The following KLHL2 variants were observed in gnomAD, a reference collection of about 807,000 sequenced individuals.
The protein encoded by KLHL2 is kelch-like protein 2.
Under a neutral mutation model 75.8 loss-of-function variants are expected in KLHL2, and 15 were observed. The observed-to-expected ratio is 0.20, with a 90% CI of 0.13 to 0.30. The LOEUF (loss-of-function observed/expected upper bound fraction) is 0.30, where lower values mean the gene tolerates loss of function less well. Among genes scored for constraint, KLHL2 ranks in the 10% least tolerant of loss-of-function variants. KLHL2 has a pLI of 1.00. For missense variants in KLHL2, 381 were observed against 741.0 expected, an observed-to-expected ratio of 0.51 and a Z score of 5.64; for synonymous variants, 214 against 251.9, an observed-to-expected ratio of 0.85 and a Z score of 1.42.
intron 5 of KLHL2, chr4:165,277,708 C>G: frequency 1.8e-6 from 1 of 549,126 alleles, no homozygotes. Context: ...GGGGGTCAGC[C>G]CCAAAGGTAG....
At chr4:165,318,106 AC>A (rs1746714967) in intron 14 of KLHL2, 137 bp downstream of exon 14, 2 of 750,308 alleles carry the variant, frequency 2.7e-6, no homozygotes. Flanking sequence ...AAGATGATTA[AC>A]ATTGGCTGTG....
chr4:165,321,585 A>G (rs932641742), intron 14 of KLHL2, among the ~76,000 whole-genome samples: 18 of 152,132 alleles, frequency 1.2e-4, no homozygotes, highest in Admixed American at 9.8e-4. Context: ...AAAATTATAC[A>G]TGGGTTTTTG....
intron 5 of KLHL2, among the ~76,000 whole-genome samples, chr4:165,266,942 C>T (rs1432815642): frequency 1.3e-5 from 2 of 152,030 alleles, no homozygotes; most frequent in Non-Finnish European, 2.9e-5. Flanking sequence ...TTGATTCTTC[C>T]TATCCATGAG....
chr4:165,294,999 C>T (rs148273459), intron 6 of KLHL2, among the ~76,000 whole-genome samples: 5 of 152,224 alleles, frequency 3.3e-5, no homozygotes, highest in African/African-American at 1.2e-4. Flanking sequence ...CCTGCCAGTC[C>T]GTTCAGCCTG....
chr4:165,267,385 G>A (rs1307810277), intron 5 of KLHL2, among the ~76,000 whole-genome samples: 1 of 152,130 alleles, frequency 6.6e-6, no homozygotes, highest in Non-Finnish European at 1.5e-5. Flanking sequence ...TCCTTGTCCT[G>A]TGCTGGTTTT....
chr4:165,299,747 T>G, intron 8 of KLHL2, 91 bp downstream of exon 8: 1 of 1,197,392 alleles, frequency 8.4e-7, no homozygotes, highest in Non-Finnish European at 1.2e-6. Flanking sequence ...TTTCCGTGAT[T>G]TATTGTTTTA....
chr4:165,307,009 T>C (rs1745781357), intron 9 of KLHL2, among the ~76,000 whole-genome samples: 1 of 152,174 alleles, frequency 6.6e-6, no homozygotes. Context: ...CAAACATATT[T>C]TTTAAAAACT....
chr4:165,270,709 G>T (rs767746086), intron 5 of KLHL2, among the ~76,000 whole-genome samples: 3 of 152,156 alleles, frequency 2.0e-5, no homozygotes, highest in South Asian at 2.1e-4. Context: ...TCCCAGAGGG[G>T]CACCCACCTG....
intron 2 of KLHL2, among the ~76,000 whole-genome samples, chr4:165,225,199 A>G (rs1324330429): frequency 6.6e-6 from 1 of 152,114 alleles, no homozygotes; most frequent in East Asian, 1.9e-4. Context: ...TTTTCCCTTT[A>G]GATTTGAGCT....
At chr4:165,231,410 T>C (rs1738877082) in intron 3 of KLHL2, among the ~76,000 whole-genome samples, 1 of 152,072 alleles carries the variant, frequency 6.6e-6, no homozygotes, top group Non-Finnish European at 1.5e-5. Context: ...GATGGTGCCA[T>C]TGCATGCTAG....
chr4:165,249,842 TGG>T (rs1216803550), intron 4 of KLHL2, among the ~76,000 whole-genome samples: 7 of 152,152 alleles, frequency 4.6e-5, no homozygotes, highest in African/African-American at 1.2e-4. Context: ...TAGTTTCTTT[TGG>T]CCGGGTACGG....
chr4:165,299,422 T>C (rs1415666285), intron 7 of KLHL2, 85 bp from the exon 8 acceptor site: 1 of 1,262,888 alleles, frequency 7.9e-7, no homozygotes, highest in Non-Finnish European at 1.1e-6. Flanking sequence ...TACTGCTTTT[T>C]TCCTCTCCTT....
At chr4:165,239,471 C>G (rs1474596393) in intron 4 of KLHL2, among the ~76,000 whole-genome samples, 2 of 151,970 alleles carry the variant, frequency 1.3e-5, no homozygotes, top group Admixed American at 1.3e-4. Flanking sequence ...CACTGTGTTC[C>G]CCAGGCTGAT....
chr4:165,218,874 T>C (rs1177197199), intron 1 of KLHL2, among the ~76,000 whole-genome samples: 1 of 152,242 alleles, frequency 6.6e-6, no homozygotes, highest in African/African-American at 2.4e-5. Context: ...TTAGACTTCA[T>C]TTTTTAAGCC....
intron 4 of KLHL2, among the ~76,000 whole-genome samples, chr4:165,246,130 A>C (rs1740241446): frequency 6.6e-6 from 1 of 152,090 alleles, no homozygotes; most frequent in Admixed American, 6.5e-5. Flanking sequence ...GACTTGAATG[A>C]AGAGAAGGGA....
In KLHL2 at chr4:165,207,970, C is replaced by T. The variant is rs1261084345; in HGVS notation, c.26+68C>T. 5 of 1,208,812 alleles carry T rather than the reference C, an allele frequency of 4.1e-6. No individual in the cohort carries two copies. Among genetic ancestry groups the T allele is most frequent in the Admixed American group, 4.5e-5 (1 of 22,440 alleles). 74.9% of individuals were successfully genotyped at this position (1,208,812 alleles called of 1,614,324 possible). A position where few individuals can be genotyped will look rare whatever the true frequency, so the allele number is the denominator to read the frequency against. ...CGCCGCTGCGGCGCGTGTCGCCGGC[C>T]GCGGGCGCAGCTCTGGGGACAGCCG... On this transcript the variant is annotated intron_variant, in intron 1 of 14. Transcript: ENST00000226725. The surrounding 1 kb of genome is among the most constrained non-coding windows in gnomAD (Gnocchi z 4.2).
At chr4:165,290,972 C>T (rs967679332) in intron 5 of KLHL2, among the ~76,000 whole-genome samples, 2 of 152,162 alleles carry the variant, frequency 1.3e-5, no homozygotes, top group African/African-American at 4.8e-5. Flanking sequence ...CCTGTCATTC[C>T]ACATCCTTGT....
At chr4:165,269,504 G>T (rs146943240) in intron 5 of KLHL2, among the ~76,000 whole-genome samples, 1 of 151,984 alleles carries the variant, frequency 6.6e-6, no homozygotes, top group South Asian at 2.1e-4. Context: ...TGTAAGGCAG[G>T]CCTGGTGGTG....
At chr4:165,249,395 C>T (rs34574153) in intron 4 of KLHL2, among the ~76,000 whole-genome samples, 73 of 144,728 alleles carry the variant, frequency 5.0e-4, no homozygotes, top group East Asian at 6.4e-4. Context: ...ATTCTCAGGA[C>T]CTAGATACCT....
Sources: allele counts gnomAD v4.1 joint callset (sites outside exome capture counted in the v4.1 genomes callset), GRCh38; gene constraint gnomAD v4.1.1; non-coding constraint Gnocchi (gnomAD v3.1); transcripts MANE v1.5; gene names NCBI Gene and HGNC (gene_info 2026-07-23, HGNC 2026-07-21).